SERPINB7: variants seen among roughly 807,000 people sequenced by gnomAD.
The protein encoded by SERPINB7 is serpin B7.
A neutral mutation model predicts 37.4 loss-of-function variants in SERPINB7; 31 were observed. The observed-to-expected ratio is 0.83, with a 90% CI of 0.62 to 1.12. The LOEUF is 1.12. Among genes scored for constraint, SERPINB7 ranks in the 50% most tolerant of loss-of-function variants. The pLI is 0.00. For synonymous variants in SERPINB7, 163 were observed against 166.1 expected, an observed-to-expected ratio of 0.98 and a Z score of 0.14; for missense variants, 521 against 455.3, an observed-to-expected ratio of 1.14 and a Z score of -1.31.
chr18:63,764,458 A>G (rs1283718277), intron 1 of SERPINB7, among the ~76,000 whole-genome samples: 1 of 152,142 alleles, frequency 6.6e-6, no homozygotes, highest in Non-Finnish European at 1.5e-5. Context: ...TGCTGAGTGG[A>G]GAGTCAAGAG....
chr18:63,776,486 G>T (rs933608480), intron 1 of SERPINB7, among the ~76,000 whole-genome samples: 1 of 151,700 alleles, frequency 6.6e-6, no homozygotes, highest in African/African-American at 2.4e-5. Context: ...TTCTATCAGT[G>T]GCGTGGGAGC....
chr18:63,760,905 G>A (rs559575657), intron 1 of SERPINB7, among the ~76,000 whole-genome samples: 1 of 152,366 alleles, frequency 6.6e-6, no homozygotes, highest in Admixed American at 6.5e-5. Flanking sequence ...GTCCTCTCAT[G>A]GAGAACCTTT....
At chr18:63,794,480 G>A (rs1471788121) in intron 4 of SERPINB7, among the ~76,000 whole-genome samples, 1 of 151,954 alleles carries the variant, frequency 6.6e-6, no homozygotes, top group African/African-American at 2.4e-5. Context: ...CACAAGGTCA[G>A]GAGGTCAAGA....
rs1301437170 is a variant in SERPINB7 at position 63,800,865 on chromosome 18, G to T, written c.598-1G>T. ...ATAATTTTTTGTGACTTGACTTTCAGTGCTCTGGGAAGGCAGTCGCCATGA... is the reference window on the plus strand; with the variant it reads ...ATAATTTTTTGTGACTTGACTTTCATTGCTCTGGGAAGGCAGTCGCCATGA... On this transcript the variant is annotated splice_acceptor_variant, in intron 6 of 7. Coordinates refer to ENST00000398019, the MANE Select transcript of SERPINB7 (RefSeq NM_003784.4). LOFTEE classifies it high-confidence loss of function. 3.1e-6 allele frequency: 5 copies of T among 1,612,242 alleles called. No homozygotes were observed. The highest frequency in any genetic ancestry group is 4.2e-6 in the Non-Finnish European group (5 of 1,179,462).
intron 2 of SERPINB7, among the ~76,000 whole-genome samples, chr18:63,790,317 G>T (rs1215005072): frequency 4.6e-5 from 7 of 152,270 alleles, no homozygotes; most frequent in African/African-American, 1.7e-4. Context: ...GTGCTGAAAA[G>T]TTCTCTTCTT....
intron 2 of SERPINB7, among the ~76,000 whole-genome samples, chr18:63,784,648 A>C (rs2049346667): frequency 6.6e-6 from 1 of 152,186 alleles, no homozygotes; most frequent in African/African-American, 2.4e-5. Context: ...GGGAGTTAGA[A>C]GATTGGGTCG....
At chr18:63,763,147 T>G (rs915253020) in intron 1 of SERPINB7, among the ~76,000 whole-genome samples, 1 of 152,184 alleles carries the variant, frequency 6.6e-6, no homozygotes, top group South Asian at 2.1e-4. Context: ...ATTGCTGATA[T>G]CATATGAGCC....
chr18:63,771,514 A>G (rs1250618280), upstream of SERPINB7, among the ~76,000 whole-genome samples: 1 of 152,000 alleles, frequency 6.6e-6, no homozygotes, highest in Non-Finnish European at 1.5e-5. Flanking sequence ...GCTTATACTT[A>G]TTTCATGTGT....
At chr18:63,786,987 C>T (rs1397873898) in intron 2 of SERPINB7, among the ~76,000 whole-genome samples, 1 of 151,964 alleles carries the variant, frequency 6.6e-6, no homozygotes, top group Non-Finnish European at 1.5e-5. Context: ...TTTTAGATTT[C>T]AGCAAGTTTG....
chr18:63,799,616 A>G (rs143594740), intron 6 of SERPINB7, among the ~76,000 whole-genome samples: 1 of 152,310 alleles, frequency 6.6e-6, no homozygotes, highest in East Asian at 1.9e-4. Context: ...TCTCTCCAGC[A>G]TAACCCAGAT....
intron 2 of SERPINB7, among the ~76,000 whole-genome samples, chr18:63,791,905 C>T (rs867217780): frequency 2.0e-5 from 3 of 152,066 alleles, no homozygotes; most frequent in Admixed American, 2.0e-4. Flanking sequence ...CCACCGCACC[C>T]GGCCAGTCCA....
chr18:63,781,993 A>G (rs986138182), intron 1 of SERPINB7, among the ~76,000 whole-genome samples: 1 of 152,226 alleles, frequency 6.6e-6, no homozygotes, highest in Admixed American at 6.5e-5. Context: ...CAAAGGCTGT[A>G]GTGCCTCAAA....
In SERPINB7 at chr18:63,782,357, T is replaced by A. The variant is rs182539714; in HGVS notation, c.-16T>A. 2.0e-4 allele frequency: 316 copies of A among 1,603,512 alleles called. 2 individuals are homozygous for A. In the East Asian group the frequency reaches 6.6e-3, roughly 33 times the overall value. ...TTCATTTTCTCATTGTCCTCTAGGC[T>A]GCACTCCATTTTGCAATGGCCTCCC... On this transcript the variant is annotated splice_region_variant and 5_prime_UTR_variant, in exon 2 of 8. Coordinates refer to ENST00000398019, the MANE Select transcript of SERPINB7 (RefSeq NM_003784.4).
intron 5 of SERPINB7, 29 bp from the exon 6 acceptor site, chr18:63,798,575 C>T (rs2049512694): frequency 1.3e-6 from 2 of 1,503,058 alleles, no homozygotes; most frequent in Non-Finnish European, 1.8e-6. Context: ...TTAAAATAAA[C>T]ATTTTTCCCT....
chr18:63,793,740 A>G (rs1440660104), intron 4 of SERPINB7, among the ~76,000 whole-genome samples: 1 of 152,112 alleles, frequency 6.6e-6, no homozygotes, highest in African/African-American at 2.4e-5. Flanking sequence ...GGCTCAAGTG[A>G]TCTTCTTTCT....
intron 6 of SERPINB7, among the ~76,000 whole-genome samples, chr18:63,799,116 A>G (rs1451676072): frequency 6.6e-6 from 1 of 152,228 alleles, no homozygotes; most frequent in Non-Finnish European, 1.5e-5. Context: ...ATCATTTACC[A>G]TCAATGATTT....
In SERPINB7 at chr18:63,795,903, T is replaced by A. The variant is rs187438295; in HGVS notation, c.337-363T>A. Among the ~76,000 whole-genome samples, 4 of 152,268 alleles carry A rather than the reference T, an allele frequency of 2.6e-5. No homozygotes were observed. The East Asian group carries it at 7.7e-4, about 29-fold the overall frequency. Reference sequence around the variant, plus strand: ...TTGTCTTGAGTGCAATAATGTAGCCTTGAAAAATTTGCAGCAGGAAGGGAT... The same window carrying A: ...TTGTCTTGAGTGCAATAATGTAGCCATGAAAAATTTGCAGCAGGAAGGGAT... On this transcript the variant is annotated intron_variant, in intron 4 of 7. Transcript: ENST00000398019.
chr18:63,804,065 G>C (rs1264460572), intron 7 of SERPINB7, among the ~76,000 whole-genome samples, 172 bp from the exon 8 acceptor site: 1 of 152,110 alleles, frequency 6.6e-6, no homozygotes, highest in Non-Finnish European at 1.5e-5. Flanking sequence ...AAAAGTACTT[G>C]AGCTATTCAT....
chr18:63,801,220 A>G (rs1167935893), intron 7 of SERPINB7, among the ~76,000 whole-genome samples: 2 of 152,202 alleles, frequency 1.3e-5, no homozygotes, highest in South Asian at 2.1e-4. Context: ...TCAGTTTAGC[A>G]TAATTTCAGT....
Sources: allele counts gnomAD v4.1 joint callset (sites outside exome capture counted in the v4.1 genomes callset), GRCh38; gene constraint gnomAD v4.1.1; transcripts MANE v1.5; gene names NCBI Gene and HGNC (gene_info 2026-07-23, HGNC 2026-07-21).